The following SETBP1 variants were observed in gnomAD, a reference collection of about 807,000 sequenced individuals.
The protein encoded by SETBP1 is SET binding protein 1, also known as SET-binding protein.
A neutral mutation model predicts 101.0 loss-of-function variants in SETBP1; 9 were observed. The ratio of observed to expected loss-of-function variants is 0.09; its 90% CI spans 0.05 to 0.16. SETBP1 has a LOEUF of 0.16. SETBP1 is among the 10% of genes least tolerant of loss of function. The pLI, the probability that SETBP1 is intolerant of heterozygous loss-of-function variation, is 1.00. For missense variants in SETBP1, 1,858 were observed against 2,033.8 expected, an observed-to-expected ratio of 0.91 and a Z score of 1.66; for synonymous variants, 818 against 788.5, an observed-to-expected ratio of 1.04 and a Z score of -0.63.
chr18:44,983,406 G>C (rs1405239787), intron 4 of SETBP1, among the ~76,000 whole-genome samples: 1 of 152,102 alleles, frequency 6.6e-6, no homozygotes, highest in Non-Finnish European at 1.5e-5. Context: ...CTAAGAACTA[G>C]GGACACTCTT....
chr18:44,929,540 C>T (rs1183466213), intron 3 of SETBP1, among the ~76,000 whole-genome samples: 1 of 152,102 alleles, frequency 6.6e-6, no homozygotes, highest in Non-Finnish European at 1.5e-5. Context: ...TGGCCATTCT[C>T]ACGATATTGA....
rs547246256 is a variant in SETBP1, at chr18:44,951,131, A to C, written c.1791A>C (p.Thr597=). ...RGRPKKQPLL[T]VETIHEGTST... Reference sequence around the variant, plus strand: ...GACCAAAGAAGCAGCCTTTGCTCACAGTCGAGACGATTCATGAGGGAACTT... The same window carrying C: ...GACCAAAGAAGCAGCCTTTGCTCACCGTCGAGACGATTCATGAGGGAACTT... Residue 597 remains threonine, a synonymous_variant, in exon 4 of 6, where the codon ACA becomes ACC. Transcript: ENST00000649279. The surrounding 1 kb of genome is among the most constrained non-coding windows in gnomAD (Gnocchi z 7.8). The C allele has an allele frequency of 1.2e-6, 2 of 1,614,138 alleles. 1 individual carries two copies. The highest frequency in any genetic ancestry group is 3.3e-5 in the Admixed American group (2 of 60,018).
At chr18:44,764,955 T>C (rs1363512476) in intron 2 of SETBP1, among the ~76,000 whole-genome samples, 1 of 152,196 alleles carries the variant, frequency 6.6e-6, no homozygotes, top group East Asian at 1.9e-4. Context: ...ACAGAGTGCA[T>C]GTTCAACAAA....
At chr18:44,691,748 A>G (rs1361738217) in intron 1 of SETBP1, among the ~76,000 whole-genome samples, 1 of 152,166 alleles carries the variant, frequency 6.6e-6, no homozygotes, top group East Asian at 1.9e-4. Flanking sequence ...ATCTGATAAA[A>G]AGGTGGAAGG....
At chr18:44,786,428 C>A (rs1194626718) in intron 2 of SETBP1, among the ~76,000 whole-genome samples, 3 of 152,206 alleles carry the variant, frequency 2.0e-5, no homozygotes, top group African/African-American at 7.2e-5. Context: ...AGAATTACAT[C>A]TTTTCTATGC....
intron 2 of SETBP1, among the ~76,000 whole-genome samples, chr18:44,743,373 A>G (rs1488016856): frequency 3.3e-5 from 5 of 152,204 alleles, no homozygotes. Context: ...CAAGGGGGAA[A>G]TTGGATTCAA....
intron 2 of SETBP1, among the ~76,000 whole-genome samples, chr18:44,731,760 C>G (rs1181170900): frequency 6.6e-6 from 1 of 152,176 alleles, no homozygotes; most frequent in Non-Finnish European, 1.5e-5. Flanking sequence ...TGCCACCCGA[C>G]AAACACGTGC....
chr18:45,036,688 T>C (rs2073405138), intron 4 of SETBP1, among the ~76,000 whole-genome samples: 1 of 151,962 alleles, frequency 6.6e-6, no homozygotes, highest in Non-Finnish European at 1.5e-5. Context: ...CAACTGGGAG[T>C]TTCAGAGACT....
chr18:44,876,060 T>G (rs575536731), intron 3 of SETBP1, among the ~76,000 whole-genome samples: 1 of 152,220 alleles, frequency 6.6e-6, no homozygotes, highest in Non-Finnish European at 1.5e-5. Flanking sequence ...ATAGAGGGAA[T>G]TGCTGCATAG....
intron 4 of SETBP1, among the ~76,000 whole-genome samples, chr18:45,013,832 T>A (rs2072889705): frequency 6.6e-6 from 1 of 152,210 alleles, no homozygotes; most frequent in Admixed American, 6.5e-5. Flanking sequence ...GCTCTGACGG[T>A]TGTGGTTGAC....
chr18:45,036,015 G>A (rs570720195), intron 4 of SETBP1, among the ~76,000 whole-genome samples: 25 of 152,152 alleles, frequency 1.6e-4, no homozygotes, highest in Non-Finnish European at 2.9e-4. Flanking sequence ...ATATTTGTGG[G>A]TTTTTTAAAT....
intron 5 of SETBP1, among the ~76,000 whole-genome samples, chr18:45,042,092 A>G (rs1024982163): frequency 6.6e-6 from 1 of 151,904 alleles, no homozygotes; most frequent in African/African-American, 2.4e-5. Flanking sequence ...ATGCTTTTAC[A>G]GCATTAAATA....
chr18:44,990,447 C>G (rs911970028), intron 4 of SETBP1, among the ~76,000 whole-genome samples: 5 of 152,012 alleles, frequency 3.3e-5, no homozygotes, highest in Admixed American at 6.6e-5. Context: ...AAAAGATTAG[C>G]TAGGCATGGT....
chr18:44,837,715 C>T (rs1239216998), intron 2 of SETBP1, among the ~76,000 whole-genome samples: 1 of 152,186 alleles, frequency 6.6e-6, no homozygotes, highest in Admixed American at 6.5e-5. Flanking sequence ...GACAGCTGCC[C>T]AGCTCCTCCT....
intron 2 of SETBP1, among the ~76,000 whole-genome samples, chr18:44,836,188 C>T (rs570607988): frequency 2.0e-5 from 3 of 151,612 alleles, no homozygotes; most frequent in African/African-American, 4.9e-5. Flanking sequence ...TGCCACCAAG[C>T]GAATCAGGAA....
intron 2 of SETBP1, among the ~76,000 whole-genome samples, chr18:44,748,905 G>A (rs1040125064): frequency 6.6e-6 from 1 of 152,184 alleles, no homozygotes; most frequent in African/African-American, 2.4e-5. Flanking sequence ...GTGAAGAGAG[G>A]TGGTAAGCAA....
intron 2 of SETBP1, among the ~76,000 whole-genome samples, chr18:44,853,839 C>T (rs2072919069): frequency 6.6e-6 from 1 of 152,096 alleles, no homozygotes; most frequent in South Asian, 2.1e-4. Flanking sequence ...GAAGCCTTCA[C>T]CATGATGTTC....
At chr18:44,957,054 G>A (rs1484218965) in intron 4 of SETBP1, among the ~76,000 whole-genome samples, 1 of 152,154 alleles carries the variant, frequency 6.6e-6, no homozygotes, top group Non-Finnish European at 1.5e-5. Flanking sequence ...ACCAGAAAAT[G>A]GATAAATAGT....
chr18:45,042,520 C>G (rs1038619899), intron 5 of SETBP1, among the ~76,000 whole-genome samples: 6 of 152,176 alleles, frequency 3.9e-5, no homozygotes, highest in African/African-American at 1.4e-4. Flanking sequence ...GTAGTAAGAA[C>G]AGCACTTTTT....
Sources: gnomAD v4.1 joint callset for allele counts (sites outside exome capture counted in the v4.1 genomes callset) on GRCh38, gnomAD v4.1.1 for gene constraint, Gnocchi (gnomAD v3.1) non-coding constraint, MANE v1.5 for transcripts, NCBI Gene and HGNC (gene_info 2026-07-23, HGNC 2026-07-21) for gene names.